The following CGGBP1 variants were observed in gnomAD, a reference collection of about 807,000 sequenced individuals.
CGGBP1 encodes CGG triplet repeat-binding protein 1.
A neutral mutation model predicts 11.4 loss-of-function variants in CGGBP1; 4 were observed. That is an observed-to-expected ratio of 0.35 (90% confidence interval 0.17 to 0.80). The LOEUF is 0.80. Ranked by LOEUF, CGGBP1 falls within the 30% of genes least tolerant of loss-of-function variation. The probability of loss-of-function intolerance (pLI) is 0.52; values close to 1 mark genes in which losing one functional copy is unlikely to be tolerated. For missense variants in CGGBP1, 135 were observed against 202.1 expected (o/e 0.67, Z 2.01); for synonymous variants, 76 against 74.1 (o/e 1.03, Z -0.13).
intron 2 of CGGBP1, among the ~76,000 whole-genome samples, chr3:88,075,228 T>TA (rs1707735596): frequency 6.6e-6 from 1 of 152,258 alleles, no homozygotes; most frequent in East Asian, 1.9e-4. Context: ...TACTAGCTGT[T>TA]ATAAAGAGCA....
chr3:88,078,191 C>G (rs1234529106), intron 2 of CGGBP1, among the ~76,000 whole-genome samples: 1 of 152,112 alleles, frequency 6.6e-6, no homozygotes, highest in African/African-American at 2.4e-5. Flanking sequence ...ATTCCTATAA[C>G]ATTATTTAAT....
rs1248090190 is a variant in CGGBP1, at chr3:88,053,821, G to A, written c.*1652C>T. 6.6e-6 allele frequency: 1 copy of A among 152,498 alleles called. No individual in the cohort carries two copies. Among genetic ancestry groups the A allele is most frequent in the Non-Finnish European group, 1.5e-5 (1 of 67,990 alleles). The allele number at this position is 152,498 out of a possible 1,614,324, so 9.4% of individuals were successfully genotyped here. A position where few individuals can be genotyped will look rare whatever the true frequency, so the allele number is the denominator to read the frequency against. ...TTGCTGCTGGTCTCCTCATACATGT[G>A]CTTCATCAACGAGAGCACTACTCTA... On this transcript the variant is annotated 3_prime_UTR_variant, in exon 4 of 4. Transcript: ENST00000482016.
chr3:88,140,228 G>C, intron 2 of CGGBP1: 1 of 1,613,832 alleles, frequency 6.2e-7, no homozygotes, highest in South Asian at 1.1e-5. Context: ...AATGCCATGA[G>C]CTTTTTGAAG....
chr3:88,118,340 C>T (rs778177347), intron 2 of CGGBP1, among the ~76,000 whole-genome samples: 52 of 152,000 alleles, frequency 3.4e-4, no homozygotes, highest in Non-Finnish European at 3.7e-4. Context: ...GGAGGCTCAA[C>T]GCTATCTCAC....
At chr3:88,087,502 G>A (rs1708398661) in intron 2 of CGGBP1, among the ~76,000 whole-genome samples, 1 of 152,210 alleles carries the variant, frequency 6.6e-6, no homozygotes, top group South Asian at 2.1e-4. Flanking sequence ...GTAAAAGAGA[G>A]AAGAGAATGA....
chr3:88,134,078 G>T (rs1486306630), intron 2 of CGGBP1, among the ~76,000 whole-genome samples: 3 of 151,552 alleles, frequency 2.0e-5, no homozygotes, highest in Non-Finnish European at 4.4e-5. Context: ...ATGAAACCTT[G>T]TGAGAGTTCT....
At chr3:88,081,571 C>T (rs535472474) in intron 2 of CGGBP1, among the ~76,000 whole-genome samples, 9 of 152,144 alleles carry the variant, frequency 5.9e-5, no homozygotes, top group Non-Finnish European at 1.3e-4. Flanking sequence ...TATGGACTTA[C>T]ATATATTTAA....
At chr3:88,143,082 A>C (rs1707205171) in intron 1 of CGGBP1, 2 of 152,298 alleles carry the variant, frequency 1.3e-5, no homozygotes, top group South Asian at 4.1e-4. Flanking sequence ...ATTCTAAATA[A>C]TAAAATCTTT....
intron 2 of CGGBP1, among the ~76,000 whole-genome samples, chr3:88,067,884 T>G (rs1239572617): frequency 6.6e-6 from 1 of 151,822 alleles, no homozygotes; most frequent in Non-Finnish European, 1.5e-5. Context: ...TTTCTTTTCT[T>G]TCTTTTTTTT....
At chr3:88,064,109 CTTT>C (rs34753092) in intron 2 of CGGBP1, among the ~76,000 whole-genome samples, 4 of 147,948 alleles carry the variant, frequency 2.7e-5, no homozygotes, top group African/African-American at 2.5e-5. Context: ...CGAGCTTCTT[CTTT>C]TTTTTTTTTT....
At chr3:88,128,542 ATTTTTTT>A (rs201429875) in intron 2 of CGGBP1, among the ~76,000 whole-genome samples, 1 of 151,724 alleles carries the variant, frequency 6.6e-6, no homozygotes. Flanking sequence ...AAGAAAAAAA[ATTTTTTT>A]TTAAATTTTG....
chr3:88,075,469 C>G (rs1169270480), intron 2 of CGGBP1, among the ~76,000 whole-genome samples: 1 of 152,158 alleles, frequency 6.6e-6, no homozygotes, highest in Non-Finnish European at 1.5e-5. Context: ...AACCATGGAA[C>G]AGGTACCTAA....
At chr3:88,074,297 C>T (rs988858435) in intron 2 of CGGBP1, among the ~76,000 whole-genome samples, 1 of 151,704 alleles carries the variant, frequency 6.6e-6, no homozygotes, top group African/African-American at 2.4e-5. Flanking sequence ...CTTCTTTTAG[C>T]CCTCTAAAGG....
At chr3:88,144,795 G>A (rs1294095607) in intron 1 of CGGBP1, 3 of 152,148 alleles carry the variant, frequency 2.0e-5, no homozygotes, top group African/African-American at 7.2e-5. Flanking sequence ...TATTTGGATT[G>A]AGTGATTTTT....
intron 2 of CGGBP1, among the ~76,000 whole-genome samples, chr3:88,070,546 C>T (rs1707447933): frequency 6.9e-6 from 1 of 144,290 alleles, no homozygotes; most frequent in African/African-American, 2.7e-5. Flanking sequence ...GCCACTGTGG[C>T]AAAGGCAACA....
At position 88,052,528 on chromosome 3, in the gene CGGBP1, CAA is replaced by C. The variant is rs1207177104; in HGVS notation, c.*2943_*2944del. 1 of 152,514 alleles carries C rather than the reference CAA, an allele frequency of 6.6e-6. No individual in the cohort carries two copies. Among genetic ancestry groups the C allele is most frequent in the Non-Finnish European group, 1.5e-5 (1 of 68,014 alleles). The allele number at this position is 152,514 out of a possible 1,614,324, so 9.4% of individuals were successfully genotyped here. On this transcript the variant is annotated 3_prime_UTR_variant, in exon 4 of 4. Transcript: ENST00000482016. ...ACATTCATGTGCAAATTCTTACAGGCAAAAGTTTTAACGTGGAAGTTTCAGCT... is the reference window on the plus strand; with the variant it reads ...ACATTCATGTGCAAATTCTTACAGGCAAGTTTTAACGTGGAAGTTTCAGCT...
chr3:88,062,252 G>A (rs1175367521), upstream of CGGBP1, among the ~76,000 whole-genome samples: 1 of 152,182 alleles, frequency 6.6e-6, no homozygotes, highest in East Asian at 1.9e-4. Flanking sequence ...ACAGCAAGTA[G>A]CATAGTTGAA....
intron 2 of CGGBP1, chr3:88,140,695 T>C: frequency 1.9e-6 from 3 of 1,613,738 alleles, no homozygotes; most frequent in Non-Finnish European, 2.5e-6. Flanking sequence ...AATGGTTCCA[T>C]TTTGCCCAGT....
At chr3:88,113,218 C>T (rs1229623700) in intron 2 of CGGBP1, 2 of 1,441,048 alleles carry the variant, frequency 1.4e-6, no homozygotes, top group Non-Finnish European at 1.9e-6. Context: ...TTTACTACTT[C>T]ACACTTTGTC....
Sources: allele counts gnomAD v4.1 joint callset (sites outside exome capture counted in the v4.1 genomes callset), GRCh38; gene constraint gnomAD v4.1.1; transcripts MANE v1.5; gene names NCBI Gene and HGNC (gene_info 2026-07-23, HGNC 2026-07-21).